The following MECOM variants were observed in gnomAD, a reference collection of about 807,000 sequenced individuals.
MECOM encodes MDS1 and EVI1 complex locus.
A neutral mutation model predicts 116.3 loss-of-function variants in MECOM; 13 were observed. That is an observed-to-expected ratio of 0.11 (90% confidence interval 0.07 to 0.18). The LOEUF (loss-of-function observed/expected upper bound fraction) is 0.18, where lower values mean the gene tolerates loss of function less well. Among genes scored for constraint, MECOM ranks in the 10% least tolerant of loss-of-function variants. The pLI is 1.00. For synonymous variants in MECOM, 528 were observed against 535.2 expected, an observed-to-expected ratio of 0.99 and a Z score of 0.19; for missense variants, 1,299 against 1,509.0, an observed-to-expected ratio of 0.86 and a Z score of 2.31.
At chr3:169,383,443 C>G (rs1314102653) in intron 1 of MECOM, among the ~76,000 whole-genome samples, 1 of 152,166 alleles carries the variant, frequency 6.6e-6, no homozygotes, top group Non-Finnish European at 1.5e-5. Flanking sequence ...CTTAATTATC[C>G]ATGTCTGAGG....
intron 1 of MECOM, among the ~76,000 whole-genome samples, chr3:169,411,993 A>C (rs948094284): frequency 1.3e-5 from 2 of 151,886 alleles, no homozygotes; most frequent in Non-Finnish European, 2.9e-5. Context: ...TTTATATAAA[A>C]ATAAAAATAA....
intron 2 of MECOM, among the ~76,000 whole-genome samples, chr3:169,297,057 A>T (rs966057144): frequency 2.0e-5 from 3 of 152,352 alleles, no homozygotes; most frequent in African/African-American, 7.2e-5. Flanking sequence ...GCAATAATTA[A>T]ATTGTCTTTA....
chr3:169,388,860 T>C (rs929874546), intron 1 of MECOM, among the ~76,000 whole-genome samples: 10 of 152,332 alleles, frequency 6.6e-5, no homozygotes, highest in African/African-American at 2.4e-4. Flanking sequence ...CATAGTACCA[T>C]GCTATTCCAT....
Position 169,101,718 on chromosome 3 carries a change from T to A in MECOM, c.2771+342A>T, listed in dbSNP as rs1310500884. 2.0e-5 allele frequency among the ~76,000 whole-genome samples: 3 copies of A among 152,314 alleles called. No individual in the cohort carries two copies. The East Asian group carries it at 5.8e-4, about 29-fold the overall frequency. ...TATTCTTTAATGCCATGACAATTAA[T>A]AAATATATGCTTGAGGACAGTAGTA... On this transcript the variant is annotated intron_variant, in intron 11 of 16. Transcript: ENST00000651503.
At chr3:169,581,884 G>A (rs1192733315) in intron 1 of MECOM, among the ~76,000 whole-genome samples, 5 of 152,204 alleles carry the variant, frequency 3.3e-5, no homozygotes, top group East Asian at 1.9e-4. Context: ...TAATGAAGTC[G>A]TGGTATAAAA....
At chr3:169,566,789 G>A (rs16854106) in intron 1 of MECOM, among the ~76,000 whole-genome samples, 31,581 of 152,086 alleles carry the variant, frequency 0.21, 4,403 homozygotes, top group East Asian at 0.68. Flanking sequence ...GCTTTCCCTC[G>A]TCTGCCCACC....
chr3:169,184,024 C>G (rs1350275011), intron 2 of MECOM, among the ~76,000 whole-genome samples: 6 of 151,786 alleles, frequency 4.0e-5, no homozygotes, highest in Non-Finnish European at 7.4e-5. Context: ...GCCACCACAC[C>G]CGGCTAATTT....
At chr3:169,141,818 T>C (rs1326603939) in intron 3 of MECOM, among the ~76,000 whole-genome samples, 2 of 152,006 alleles carry the variant, frequency 1.3e-5, no homozygotes, top group African/African-American at 4.8e-5. Flanking sequence ...ATTACATTAT[T>C]TGATATGCAT....
At chr3:169,603,256 T>C (rs1443294155) in intron 1 of MECOM, among the ~76,000 whole-genome samples, 1 of 152,102 alleles carries the variant, frequency 6.6e-6, no homozygotes, top group African/African-American at 2.4e-5. Flanking sequence ...TAAAAGAAAG[T>C]TTTTAAAGTT....
At chr3:169,627,713 A>G (rs1327659899) in intron 1 of MECOM, among the ~76,000 whole-genome samples, 1 of 152,210 alleles carries the variant, frequency 6.6e-6, no homozygotes, top group Non-Finnish European at 1.5e-5. Context: ...TTGGTCCACA[A>G]TACCTTTTTA....
intron 1 of MECOM, among the ~76,000 whole-genome samples, chr3:169,599,341 C>G (rs1053488329): frequency 6.6e-6 from 1 of 151,960 alleles, no homozygotes. Context: ...TGGTGAAACC[C>G]CATCTCTACT....
intron 2 of MECOM, chr3:169,147,098 G>A (rs1049509686): frequency 2.0e-6 from 2 of 986,630 alleles, no homozygotes; most frequent in African/African-American, 3.5e-5. Context: ...TATTCCTTCT[G>A]GTTCACATCA....
At chr3:169,320,479 G>A (rs1037061103) in intron 2 of MECOM, among the ~76,000 whole-genome samples, 2 of 152,124 alleles carry the variant, frequency 1.3e-5, no homozygotes, top group African/African-American at 4.8e-5. Flanking sequence ...AGGAGGAAAC[G>A]GTAATTAAAG....
At chr3:169,411,021 A>G (rs1258609340) in intron 1 of MECOM, among the ~76,000 whole-genome samples, 1 of 152,116 alleles carries the variant, frequency 6.6e-6, no homozygotes, top group Admixed American at 6.5e-5. Flanking sequence ...GAATTTAGTA[A>G]TCTTGTCTAT....
At chr3:169,381,124 T>G in intron 2 of MECOM, 63 bp downstream of exon 2, 1 of 1,439,142 alleles carries the variant, frequency 6.9e-7, no homozygotes, top group South Asian at 1.4e-5. Context: ...TGTGGATGCT[T>G]AAACAATCTC....
chr3:169,439,929 GA>G (rs1743324319), intron 1 of MECOM, among the ~76,000 whole-genome samples: 1 of 152,084 alleles, frequency 6.6e-6, no homozygotes, highest in Non-Finnish European at 1.5e-5. Flanking sequence ...CAAGACCCAG[GA>G]AAAAATTTCT....
chr3:169,147,214 G>A (rs1216495788), intron 2 of MECOM: 46 of 985,404 alleles, frequency 4.7e-5, no homozygotes, highest in Non-Finnish European at 5.5e-5. Context: ...TCCAATGGGG[G>A]AAAACAAGCA....
At chr3:169,581,653 T>G (rs942558629) in intron 1 of MECOM, among the ~76,000 whole-genome samples, 2 of 152,150 alleles carry the variant, frequency 1.3e-5, no homozygotes, top group Admixed American at 6.5e-5. Context: ...TTGATCTTAT[T>G]TGAATGTCTG....
intron 2 of MECOM, among the ~76,000 whole-genome samples, chr3:169,273,521 A>T (rs1431616657): frequency 1.3e-5 from 2 of 152,164 alleles, no homozygotes; most frequent in African/African-American, 2.4e-5. Flanking sequence ...ATAATTATCT[A>T]AGTGGTATCA....
Sources: gnomAD v4.1 joint callset for allele counts (sites outside exome capture counted in the v4.1 genomes callset) on GRCh38, gnomAD v4.1.1 for gene constraint, MANE v1.5 for transcripts, NCBI Gene and HGNC (gene_info 2026-07-23, HGNC 2026-07-21) for gene names.